The following GOPC variants were observed in gnomAD, a reference collection of about 807,000 sequenced individuals.
GOPC encodes Golgi-associated PDZ and coiled-coil motif-containing protein.
GOPC carries 32 observed loss-of-function variants against 51.2 expected under a neutral mutation model. The observed-to-expected ratio is 0.63, with a 90% CI of 0.47 to 0.84. The LOEUF is 0.84. Ranked by LOEUF, GOPC falls within the 40% of genes least tolerant of loss-of-function variation. The pLI is 0.00. For synonymous variants in GOPC, 190 were observed against 205.1 expected, an observed-to-expected ratio of 0.93 and a Z score of 0.63; for missense variants, 441 against 555.5, an observed-to-expected ratio of 0.79 and a Z score of 2.07.
At chr6:117,585,387 C>A (rs762754061) in intron 1 of GOPC, among the ~76,000 whole-genome samples, 5 of 152,158 alleles carry the variant, frequency 3.3e-5, no homozygotes, top group Non-Finnish European at 5.9e-5. Context: ...GAGGAGCAAA[C>A]TAAGCCAAGA....
intron 1 of GOPC, among the ~76,000 whole-genome samples, chr6:117,597,222 T>C (rs1032857801): frequency 1.3e-5 from 2 of 152,242 alleles, no homozygotes; most frequent in Admixed American, 1.3e-4. Context: ...TACTCACTTG[T>C]GTACATTAAT....
At chr6:117,599,028 A>G (rs1771941616) in intron 1 of GOPC, among the ~76,000 whole-genome samples, 2 of 152,200 alleles carry the variant, frequency 1.3e-5, no homozygotes, top group African/African-American at 4.8e-5. Flanking sequence ...TATTATGTCA[A>G]TTAAAAATAA....
chr6:117,593,188 T>G (rs1472683831), intron 1 of GOPC, among the ~76,000 whole-genome samples: 1 of 152,094 alleles, frequency 6.6e-6, no homozygotes, highest in African/African-American at 2.4e-5. Flanking sequence ...AAACCTCTTC[T>G]ACTAGCCTCA....
intron 1 of GOPC, among the ~76,000 whole-genome samples, chr6:117,595,365 T>G (rs1278790776): frequency 6.6e-6 from 1 of 152,204 alleles, no homozygotes; most frequent in Non-Finnish European, 1.5e-5. Context: ...GGAAAGGAAC[T>G]CAGTTGTGTT....
intron 1 of GOPC, among the ~76,000 whole-genome samples, chr6:117,582,237 TCTCA>T (rs1275386559): frequency 7.4e-5 from 11 of 149,624 alleles, no homozygotes; most frequent in Admixed American, 6.7e-4. Flanking sequence ...TCTCTCTCTC[TCTCA>T]CTCTCTCCCT....
chr6:117,592,759 TTGGA>T (rs1364339399), intron 1 of GOPC, among the ~76,000 whole-genome samples: 1 of 152,164 alleles, frequency 6.6e-6, no homozygotes. Context: ...GATATGAATT[TTGGA>T]GGGATACGAT....
chr6:117,573,934 T>C (rs1291499279), intron 4 of GOPC, among the ~76,000 whole-genome samples: 1 of 152,210 alleles, frequency 6.6e-6, no homozygotes, highest in East Asian at 1.9e-4. Flanking sequence ...TCAATCTATG[T>C]CTTGCATGCA....
intron 5 of GOPC, among the ~76,000 whole-genome samples, chr6:117,572,887 C>A (rs1160833534): frequency 1.3e-5 from 2 of 152,224 alleles, no homozygotes; most frequent in Non-Finnish European, 2.9e-5. Flanking sequence ...CCTTGGGAGA[C>A]ATGCTTTCAT....
intron 3 of GOPC, 24 bp downstream of exon 3, chr6:117,577,424 G>C (rs757046733): frequency 1.5e-5 from 24 of 1,600,090 alleles, no homozygotes; most frequent in Non-Finnish European, 2.0e-5. Flanking sequence ...ACATATTAAA[G>C]CAAAACAGAA....
chr6:117,577,581 G>T, intron 2 of GOPC, 110 bp from the exon 3 acceptor site: 2 of 793,536 alleles, frequency 2.5e-6, no homozygotes, highest in Non-Finnish European at 4.0e-6. Context: ...TATCATTTGG[G>T]TAAAGTTCAT....
intron 1 of GOPC, among the ~76,000 whole-genome samples, chr6:117,585,016 G>A (rs564529907): frequency 6.6e-6 from 1 of 152,240 alleles, no homozygotes; most frequent in South Asian, 2.1e-4. Context: ...AGAACTGTGA[G>A]TCAACTAAAA....
At chr6:117,596,737 T>C (rs1045908724) in intron 1 of GOPC, among the ~76,000 whole-genome samples, 2 of 152,248 alleles carry the variant, frequency 1.3e-5, no homozygotes, top group South Asian at 2.1e-4. Flanking sequence ...CTCTATTCTG[T>C]TGCATTTGTC....
At chr6:117,600,846 G>C (rs1583068228) in intron 1 of GOPC, among the ~76,000 whole-genome samples, 1 of 152,172 alleles carries the variant, frequency 6.6e-6, no homozygotes, top group Admixed American at 6.5e-5. Context: ...AAAAAGGATA[G>C]AAGAAATTAA....
intron 1 of GOPC, among the ~76,000 whole-genome samples, chr6:117,596,305 G>A (rs562692062): frequency 3.3e-5 from 5 of 151,888 alleles, no homozygotes; most frequent in African/African-American, 4.8e-5. Context: ...GTCCTTTGTC[G>A]GATGTACAGT....
chr6:117,592,711 C>A (rs966766542), intron 1 of GOPC, among the ~76,000 whole-genome samples: 3 of 152,176 alleles, frequency 2.0e-5, no homozygotes, highest in Admixed American at 6.5e-5. Flanking sequence ...CAAAGACCCT[C>A]TTTCTAAATA....
chr6:117,602,091 C>G lies in GOPC; in HGVS notation c.198G>C (p.Gly66=), dbSNP rs751420737. The G allele has an allele frequency of 6.2e-7, 1 of 1,614,176 alleles. No individual in the cohort carries two copies. Among genetic ancestry groups the G allele is most frequent in the Admixed American group, 1.7e-5 (1 of 60,018 alleles). Reference sequence around the variant, plus strand: ...AGCTCAGGCTGGTCATCTTCTGTCGCCCCTCATAAGTGATGTCCGCTTGGT... The same window carrying G: ...AGCTCAGGCTGGTCATCTTCTGTCGGCCCTCATAAGTGATGTCCGCTTGGT... ...DPDQADITYE[G]RQKMTSLSSC... Residue 66 remains glycine (G), a synonymous_variant, in exon 1 of 9, where the codon GGG becomes GGC. Transcript: ENST00000368498.
chr6:117,600,656 A>C (rs1407743256), intron 1 of GOPC, among the ~76,000 whole-genome samples: 1 of 152,226 alleles, frequency 6.6e-6, no homozygotes, highest in African/African-American at 2.4e-5. Flanking sequence ...AAATATAATA[A>C]GATAAAATAA....
At chr6:117,585,764 C>T (rs905220830) in intron 1 of GOPC, among the ~76,000 whole-genome samples, 1 of 152,176 alleles carries the variant, frequency 6.6e-6, no homozygotes, top group African/African-American at 2.4e-5. Context: ...CATACCCATA[C>T]ACATGCACAA....
intron 2 of GOPC, 142 bp from the exon 3 acceptor site, chr6:117,577,613 C>A: frequency 1.6e-6 from 1 of 636,940 alleles, no homozygotes; most frequent in Non-Finnish European, 2.7e-6. Flanking sequence ...TATTTGCAAT[C>A]TATAAACAAT....
Sources: gnomAD v4.1 joint callset for allele counts (sites outside exome capture counted in the v4.1 genomes callset) on GRCh38, gnomAD v4.1.1 for gene constraint, MANE v1.5 for transcripts, NCBI Gene and HGNC (gene_info 2026-07-23, HGNC 2026-07-21) for gene names.